Variants in SERPINB6 observed in about 807,000 individuals in gnomAD.
SERPINB6 encodes serpin family B member 6, also known as serpin B6.
A neutral mutation model predicts 26.1 loss-of-function variants in SERPINB6; 16 were observed. The observed-to-expected ratio is 0.61, with a 90% CI of 0.42 to 0.93. The LOEUF is 0.93. SERPINB6 is among the 40% of genes least tolerant of loss of function. The pLI, the probability that SERPINB6 is intolerant of heterozygous loss-of-function variation, is 0.00. For synonymous variants in SERPINB6, 174 were observed against 176.6 expected (o/e 0.99, Z 0.11); for missense variants, 420 against 478.0 (o/e 0.88, Z 1.13).
chr6:2,966,937 G>T (rs1158008935), intron 1 of SERPINB6: 11 of 985,104 alleles, frequency 1.1e-5, no homozygotes, highest in Non-Finnish European at 1.2e-5. Flanking sequence ...TTATAGGCAT[G>T]AGCCACCAAG....
At chr6:2,961,827 C>G in intron 1 of SERPINB6, 2 of 985,018 alleles carry the variant, frequency 2.0e-6, no homozygotes, top group Non-Finnish European at 2.4e-6. Flanking sequence ...ACATGCTCCC[C>G]CAACCCCATC....
At chr6:2,958,980 A>G (rs1407462025) in intron 2 of SERPINB6, among the ~76,000 whole-genome samples, 188 bp downstream of exon 2, 1 of 152,064 alleles carries the variant, frequency 6.6e-6, no homozygotes, top group Admixed American at 6.6e-5. Flanking sequence ...TCTCCACCCC[A>G]GGGGGTCAGT....
At chr6:2,949,545 C>T (rs1204831021) in intron 5 of SERPINB6, among the ~76,000 whole-genome samples, 1 of 152,234 alleles carries the variant, frequency 6.6e-6, no homozygotes, top group Non-Finnish European at 1.5e-5. Flanking sequence ...GTGCCCCTGA[C>T]TCCTGTCTTT....
intron 3 of SERPINB6, chr6:2,955,070 ATCCCAGCTACT>A (rs1250022841): frequency 1.0e-5 from 3 of 289,190 alleles, no homozygotes; most frequent in Non-Finnish European, 2.0e-5. Context: ...TGCACCTGTA[ATCCCAGCTACT>A]TGGGAGGCTG....
rs549237988 is a variant in SERPINB6, at chr6:2,951,924, T to C, written c.573+1120A>G. Among the ~76,000 whole-genome samples, 4 of 152,212 alleles carry C rather than the reference T, an allele frequency of 2.6e-5. 1 individual carries two copies. In the South Asian group the frequency reaches 8.4e-4, roughly 32 times the overall value. ...TCCTCCCCCTCCCTGCCACCGGGACTGCTGAAGCCAGCTCAGCCATCTTGT... is the reference window on the plus strand; with the variant it reads ...TCCTCCCCCTCCCTGCCACCGGGACCGCTGAAGCCAGCTCAGCCATCTTGT... On this transcript the variant is annotated intron_variant, in intron 5 of 6. Coordinates refer to ENST00000380539, the MANE Select transcript of SERPINB6 (RefSeq NM_004568.6).
At chr6:2,962,728 A>G (rs1771251986) in intron 1 of SERPINB6, among the ~76,000 whole-genome samples, 1 of 152,192 alleles carries the variant, frequency 6.6e-6, no homozygotes, top group African/African-American at 2.4e-5. Context: ...GAAACAATAA[A>G]TCAAGGATGT....
At chr6:2,961,914 A>T (rs1484056642) in intron 1 of SERPINB6, 15 of 984,702 alleles carry the variant, frequency 1.5e-5, no homozygotes, top group Non-Finnish European at 1.7e-5. Context: ...TTGTAGAGAC[A>T]AGGTTCTTGC....
intron 1 of SERPINB6, chr6:2,963,573 A>G (rs973491428): frequency 6.6e-6 from 1 of 152,264 alleles, no homozygotes; most frequent in Non-Finnish European, 1.5e-5. Context: ...AAAACAATTC[A>G]TGCTAATACT....
chr6:2,948,975 T>A lies in SERPINB6; in HGVS notation c.668A>T (p.Tyr223Phe), dbSNP rs1769450075. 1.2e-6 allele frequency: 2 copies of A among 1,614,124 alleles called. No individual in the cohort carries two copies. The highest frequency in any genetic ancestry group is 1.3e-5 in the African/African-American group (1 of 74,944). Residue 223 changes from tyrosine (Y) to phenylalanine (F), a missense_variant, in exon 6 of 7, where the codon TAT (tyrosine) becomes TTT (phenylalanine). Physicochemically the swap from Tyr to Phe is conservative, Grantham distance 22. Transcript: ENST00000380539. This position sits in a 1 kb window ranked among gnomAD's most constrained non-coding sequence, Gnocchi z 5.0. The stretch of plus-strand genomic sequence containing the variant: ...GATCATATTCAGTTCCTTGCCAACA[T>A]ATGGAAGCACCAAGATTTGGGTAAA... ...EIFTQILVLPYVGKELNMIIM... is the reference protein window; with the variant it reads ...EIFTQILVLPFVGKELNMIIM...
intron 1 of SERPINB6, chr6:2,966,502 C>T (rs1348515709): frequency 1.5e-6 from 1 of 682,442 alleles, no homozygotes; most frequent in Non-Finnish European, 1.8e-6. Context: ...CGCCTGAGCT[C>T]CACCTCCTGT....
At chr6:2,951,183 C>T (rs888379491) in intron 5 of SERPINB6, among the ~76,000 whole-genome samples, 1 of 152,008 alleles carries the variant, frequency 6.6e-6, no homozygotes, top group Non-Finnish European at 1.5e-5. Context: ...GTCAGGAGTT[C>T]GAGACCAACC....
chr6:2,959,005 C>A (rs1770799430), intron 2 of SERPINB6, among the ~76,000 whole-genome samples, 163 bp downstream of exon 2: 1 of 152,144 alleles, frequency 6.6e-6, no homozygotes, highest in South Asian at 2.1e-4. Context: ...GTGTTGTCCC[C>A]AGGGTGCTCC....
rs1365276537 is a variant in SERPINB6, at chr6:2,955,590, A to G, written c.246T>C (p.Thr82=). The G allele has an allele frequency of 6.2e-7, 1 of 1,614,124 alleles. No homozygotes were observed. The highest frequency in any genetic ancestry group is 2.2e-5 in the East Asian group (1 of 44,898). The change falls in exon 3 of 7, where the codon ACT becomes ACC. Residue 82 remains threonine (T), a synonymous_variant. Coordinates refer to ENST00000380539, the MANE Select transcript of SERPINB6 (RefSeq NM_004568.6). ...CCATCCTAAGCAAGTACTGCGTGCC[A>G]GTCTTGTTCACTTCGGTGAGAAGAG... ...FQSLLTEVNK[T]GTQYLLRMAN... is the part of the protein sequence containing the mutation.
In SERPINB6 at chr6:2,948,805, A is replaced by G; in HGVS notation, c.730-106T>C. On this transcript the variant is annotated intron_variant, in intron 6 of 6. Transcript: ENST00000380539. The surrounding 1 kb of genome is among the most constrained non-coding windows in gnomAD (Gnocchi z 5.0). ...CACCAGTGGCAGCGTGGCTATGGTC[A>G]GCAGCGCTCCAGTGTTAAACGGCTG... 1 of 1,571,976 alleles carries G rather than the reference A, an allele frequency of 6.4e-7. No individual in the cohort carries two copies.
At chr6:2,949,530 C>T (rs1052227042) in intron 5 of SERPINB6, among the ~76,000 whole-genome samples, 83 of 152,366 alleles carry the variant, frequency 5.4e-4, no homozygotes, top group African/African-American at 1.9e-3. Context: ...GTCAAAAGCC[C>T]TGGAGTGCCC....
chr6:2,951,546 A>C (rs905681958), intron 5 of SERPINB6, among the ~76,000 whole-genome samples: 9 of 152,178 alleles, frequency 5.9e-5, no homozygotes, highest in Non-Finnish European at 8.8e-5. Context: ...AAAGCCTCCA[A>C]TCTTGCAATA....
Position 2,948,209 on chromosome 6 carries a change from G to T in SERPINB6, c.*89C>A. 6.7e-7 allele frequency: 1 copy of T among 1,486,656 alleles called. No homozygotes were observed. Among genetic ancestry groups the T allele is most frequent in the Non-Finnish European group, 9.4e-7 (1 of 1,066,628 alleles). The allele number at this position is 1,486,656 out of a possible 1,614,324, so 92.1% of individuals were successfully genotyped here. A position where few individuals can be genotyped will look rare whatever the true frequency, so the allele number is the denominator to read the frequency against. On this transcript the variant is annotated 3_prime_UTR_variant, in exon 7 of 7. Transcript: ENST00000380539. This position sits in a 1 kb window ranked among gnomAD's most constrained non-coding sequence, Gnocchi z 5.0. ...CCTTTATTTCTGAACTGCCACCACT[G>T]CACGGATAAGGCCACTTGGGTTGCA...
In SERPINB6 at chr6:2,954,681, T is replaced by C; in HGVS notation, c.341A>G (p.Tyr114Cys). The change falls in exon 4 of 7, where the codon TAC becomes TGC. Residue 114 changes from tyrosine (Y) to cysteine (C), a missense_variant. Coordinates refer to ENST00000380539, the MANE Select transcript of SERPINB6 (RefSeq NM_004568.6). Reference sequence around the variant, plus strand: ...GTCAAGCTCCTCCATCTCTGCTTGGTAGAATTTTTGGCAGGAATCTCTAAA... The same window carrying C: ...GTCAAGCTCCTCCATCTCTGCTTGGCAGAATTTTTGGCAGGAATCTCTAAA... ...SSFRDSCQKF[Y>C]QAEMEELDFI... The C allele has an allele frequency of 6.2e-7, 1 of 1,614,074 alleles. No homozygotes were observed. The highest frequency in any genetic ancestry group is 1.1e-5 in the South Asian group (1 of 91,078).
intron 5 of SERPINB6, among the ~76,000 whole-genome samples, chr6:2,950,874 AGCTTTCT>A (rs1769712996): frequency 6.6e-6 from 1 of 152,254 alleles, no homozygotes; most frequent in African/African-American, 2.4e-5. Context: ...CTGCGGCGGC[AGCTTTCT>A]GCTTTCACGT....
Sources: allele counts gnomAD v4.1 joint callset (sites outside exome capture counted in the v4.1 genomes callset), GRCh38; gene constraint gnomAD v4.1.1; non-coding constraint Gnocchi (gnomAD v3.1); transcripts MANE v1.5; gene names NCBI Gene and HGNC (gene_info 2026-07-23, HGNC 2026-07-21).